Variants in SCFD1 observed in about 807,000 individuals in gnomAD.
SCFD1 encodes sec1 family domain-containing protein 1.
Under a neutral mutation model 103.2 loss-of-function variants are expected in SCFD1, and 37 were observed. The ratio of observed to expected loss-of-function variants is 0.36; its 90% CI spans 0.28 to 0.47. SCFD1 has a LOEUF of 0.47. Among genes scored for constraint, SCFD1 ranks in the 20% least tolerant of loss-of-function variants. The pLI is 1.00. For synonymous variants in SCFD1, 264 were observed against 245.0 expected (o/e 1.08, Z -0.73); for missense variants, 639 against 761.2 (o/e 0.84, Z 1.89).
At chr14:30,722,026 A>G in intron 22 of SCFD1, 109 bp downstream of exon 22, 1 of 725,944 alleles carries the variant, frequency 1.4e-6, no homozygotes, top group East Asian at 2.8e-5. Context: ...GTGTATGATA[A>G]TTTGGCCTAG....
At chr14:30,722,387 C>G in intron 22 of SCFD1, 107 bp from the exon 23 acceptor site, 1 of 699,584 alleles carries the variant, frequency 1.4e-6, no homozygotes, top group Non-Finnish European at 2.3e-6. Flanking sequence ...AAAATAGCAT[C>G]AGGGGCTTAG....
intron 19 of SCFD1, among the ~76,000 whole-genome samples, chr14:30,708,357 C>T (rs1891623193): frequency 6.6e-6 from 1 of 152,004 alleles, no homozygotes; most frequent in Non-Finnish European, 1.5e-5. Context: ...CTACAGGCCC[C>T]GATGTGTGTT....
rs368670731 is a variant in SCFD1 at position 30,721,865 on chromosome 14, C to A, written c.1737-19C>A. The A allele has an allele frequency of 6.2e-7, 1 of 1,601,028 alleles. No individual in the cohort carries two copies. Among genetic ancestry groups the A allele is most frequent in the South Asian group, 1.1e-5 (1 of 90,190 alleles). On this transcript the variant is annotated intron_variant, in intron 21 of 24. Transcript: ENST00000458591. ...AAAGCCATGGGTGAAATTTTCATTA[C>A]GGTTTTTCTTTATTACAGCTCAGTT...
intron 14 of SCFD1, among the ~76,000 whole-genome samples, chr14:30,679,045 A>G (rs1594682693): frequency 6.6e-6 from 1 of 152,226 alleles, no homozygotes; most frequent in African/African-American, 2.4e-5. Flanking sequence ...ACTGCCTTAT[A>G]TTTTTATGGG....
intron 9 of SCFD1, among the ~76,000 whole-genome samples, chr14:30,651,727 G>A (rs2139106658): frequency 6.6e-6 from 1 of 152,130 alleles, no homozygotes; most frequent in South Asian, 2.1e-4. Context: ...TGGGCGTCTT[G>A]TTTCTCAACT....
intron 7 of SCFD1, among the ~76,000 whole-genome samples, chr14:30,645,164 G>C (rs1885689716): frequency 1.3e-5 from 2 of 151,990 alleles, no homozygotes; most frequent in Admixed American, 1.3e-4. Flanking sequence ...TTATTTCTGG[G>C]TTCTCTAACC....
At chr14:30,670,492 G>A in intron 11 of SCFD1, 97 bp downstream of exon 11, 1 of 845,428 alleles carries the variant, frequency 1.2e-6, no homozygotes. Context: ...GGGTCATGTA[G>A]GTTCGTTCAC....
At chr14:30,716,921 TC>T (rs1285312380) in intron 20 of SCFD1, among the ~76,000 whole-genome samples, 1 of 152,190 alleles carries the variant, frequency 6.6e-6, no homozygotes, top group Non-Finnish European at 1.5e-5. Flanking sequence ...ATTGGATTCT[TC>T]CATCTGGGAA....
At chr14:30,694,571 G>A (rs1036591049) in intron 14 of SCFD1, among the ~76,000 whole-genome samples, 10 of 151,960 alleles carry the variant, frequency 6.6e-5, no homozygotes, top group African/African-American at 2.4e-4. Context: ...TCAGCTACTC[G>A]GGAGACTGGG....
At chr14:30,683,032 T>G in intron 14 of SCFD1, 12 of 1,320,236 alleles carry the variant, frequency 9.1e-6, no homozygotes, top group Non-Finnish European at 1.3e-5. Context: ...AAGGACAGGC[T>G]GGGCAGCCTG....
At chr14:30,693,092 T>C (rs1287894662) in intron 14 of SCFD1, among the ~76,000 whole-genome samples, 1 of 152,160 alleles carries the variant, frequency 6.6e-6, no homozygotes, top group Non-Finnish European at 1.5e-5. Context: ...AGTTCCTATA[T>C]CAGAGAGTCT....
Position 30,670,348 on chromosome 14 carries a change from TTA to T in SCFD1, c.950_951del (p.Tyr317Ter). ...GACCAAAGAGAAAAAACAAGAAGTC[TTA>T]TGATTTAACTCCGGTTGATAAATTT... The part of the protein sequence containing the change: ...ARPKRKNKKS[Y>X]DLTPVDKFWQ... On this transcript the variant is annotated frameshift_variant, in exon 11 of 25. Coordinates refer to ENST00000458591, the MANE Select transcript of SCFD1 (RefSeq NM_016106.4). LOFTEE classifies it high-confidence loss of function. 6.3e-7 allele frequency: 1 copy of T among 1,592,384 alleles called. No individual in the cohort carries two copies. The highest frequency in any genetic ancestry group is 8.5e-7 in the Non-Finnish European group (1 of 1,171,926).
intron 10 of SCFD1, among the ~76,000 whole-genome samples, chr14:30,663,169 T>A (rs936123202): frequency 7.9e-5 from 12 of 152,212 alleles, no homozygotes; most frequent in African/African-American, 2.7e-4. Context: ...ATTTTGTGTT[T>A]TAAGTATTCC....
At chr14:30,669,136 ATT>A (rs958912408) in intron 10 of SCFD1, among the ~76,000 whole-genome samples, 10 of 152,260 alleles carry the variant, frequency 6.6e-5, no homozygotes, top group African/African-American at 2.4e-4. Flanking sequence ...TAAAAGATTT[ATT>A]TGAGAAAGTT....
intron 10 of SCFD1, among the ~76,000 whole-genome samples, chr14:30,668,523 G>A (rs562761302): frequency 6.6e-6 from 1 of 152,088 alleles, no homozygotes; most frequent in Non-Finnish European, 1.5e-5. Context: ...CAAAAGCAAT[G>A]GCAACAAAAG....
At chr14:30,719,449 T>C (rs1309476893) in intron 21 of SCFD1, 72 bp downstream of exon 21, 5 of 1,024,832 alleles carry the variant, frequency 4.9e-6, no homozygotes, top group Non-Finnish European at 3.0e-6. Flanking sequence ...TTTTATTATA[T>C]AGTACTGCTT....
chr14:30,735,659 A>C lies in SCFD1; in HGVS notation c.*50A>C, dbSNP rs1485174229. ...TCTACTTGGAATGTGGATAAATGTA[A>C]AAAGAAGAAAAGTTAGAAGAGCAAT... On this transcript the variant is annotated 3_prime_UTR_variant, in exon 25 of 25. Transcript: ENST00000458591. The C allele has an allele frequency of 7.3e-7, 1 of 1,364,496 alleles. No homozygotes were observed. The highest frequency in any genetic ancestry group is 1.0e-6 in the Non-Finnish European group (1 of 973,888). 84.5% of individuals were successfully genotyped at this position (1,364,496 alleles called of 1,614,324 possible). A position where few individuals can be genotyped will look rare whatever the true frequency, so the allele number is the denominator to read the frequency against.
At chr14:30,718,542 A>C (rs1892441775) in intron 20 of SCFD1, among the ~76,000 whole-genome samples, 1 of 152,228 alleles carries the variant, frequency 6.6e-6, no homozygotes, top group African/African-American at 2.4e-5. Context: ...CAGATGGACA[A>C]ATTGATTTGG....
intron 16 of SCFD1, 49 bp downstream of exon 16, chr14:30,700,307 G>A: frequency 8.9e-7 from 1 of 1,127,550 alleles, no homozygotes; most frequent in Non-Finnish European, 1.3e-6. Context: ...CTTGTTTGTA[G>A]ACTACTACAA....
Sources: allele counts gnomAD v4.1 joint callset (sites outside exome capture counted in the v4.1 genomes callset), GRCh38; gene constraint gnomAD v4.1.1; transcripts MANE v1.5; gene names NCBI Gene and HGNC (gene_info 2026-07-23, HGNC 2026-07-21).